Variants in KRTDAP observed in about 807,000 individuals in gnomAD.
KRTDAP encodes keratinocyte differentiation associated protein, also known as keratinocyte differentiation-associated protein.
A neutral mutation model predicts 18.6 loss-of-function variants in KRTDAP; 14 were observed. The ratio of observed to expected loss-of-function variants is 0.75; its 90% CI spans 0.50 to 1.18. The LOEUF is 1.18. Among genes scored for constraint, KRTDAP ranks in the 50% most tolerant of loss-of-function variants. The probability of loss-of-function intolerance (pLI) is 0.00; values close to 1 mark genes in which losing one functional copy is unlikely to be tolerated. For synonymous variants in KRTDAP, 53 were observed against 49.5 expected (o/e 1.07, Z -0.29); for missense variants, 114 against 121.3 (o/e 0.94, Z 0.28).
chr19:35,487,406 C>T lies in KRTDAP; in HGVS notation c.*22G>A, dbSNP rs1408974353. The T allele has an allele frequency of 1.9e-6, 3 of 1,612,176 alleles. No homozygotes were observed. The African/African-American group carries it at 4.0e-5, about 22-fold the overall frequency. ...TGAGAATCAGCGCTCACGCTAGCCC[C>T]CTCTTCCAGTGGAGGTCATGGTCAC... On this transcript the variant is annotated 3_prime_UTR_variant, in exon 6 of 6. Coordinates refer to ENST00000338897, the MANE Select transcript of KRTDAP (RefSeq NM_207392.3).
chr19:35,489,575 G>C (rs1208438733), intron 1 of KRTDAP, among the ~76,000 whole-genome samples: 1 of 152,180 alleles, frequency 6.6e-6, no homozygotes, highest in Admixed American at 6.5e-5. Context: ...TGCCCTTTCA[G>C]ACTGGGAAAG....
intron 3 of KRTDAP, 81 bp from the exon 4 acceptor site, chr19:35,488,566 A>C: frequency 6.2e-7 from 1 of 1,607,788 alleles, no homozygotes; most frequent in Non-Finnish European, 8.5e-7. Flanking sequence ...GGAGAAGGTG[A>C]AGGAACCGTG....
At chr19:35,490,305 G>A (rs750677260) in intron 1 of KRTDAP, 51 bp downstream of exon 1, 2 of 1,145,258 alleles carry the variant, frequency 1.7e-6, no homozygotes, top group Non-Finnish European at 2.5e-6. Flanking sequence ...GAGAGATGGA[G>A]GGGTAGGTGG....
chr19:35,490,298 A>G, intron 1 of KRTDAP, 58 bp downstream of exon 1: 1 of 1,069,672 alleles, frequency 9.3e-7, no homozygotes, highest in Non-Finnish European at 1.4e-6. Context: ...GGAGGTAGAG[A>G]GATGGAGGGG....
intron 5 of KRTDAP, 38 bp from the exon 6 acceptor site, chr19:35,487,504 TG>T: frequency 1.9e-6 from 3 of 1,560,828 alleles, no homozygotes; most frequent in Non-Finnish European, 2.7e-6. Context: ...GGGGAACCCG[TG>T]GGTGCCCAGT....
intron 4 of KRTDAP, among the ~76,000 whole-genome samples, 164 bp downstream of exon 4, chr19:35,488,277 G>A (rs1304351732): frequency 6.6e-6 from 1 of 152,218 alleles, no homozygotes; most frequent in African/African-American, 2.4e-5. Flanking sequence ...GGCGCCGGGG[G>A]AAGCTTTCTT....
intron 5 of KRTDAP, 107 bp downstream of exon 5, chr19:35,487,605 G>T: frequency 8.5e-7 from 1 of 1,177,104 alleles, no homozygotes; most frequent in Non-Finnish European, 1.3e-6. Flanking sequence ...CCTTCAGTTT[G>T]GTGAGAAGGC....
chr19:35,488,888 G>C, intron 1 of KRTDAP, 48 bp from the exon 2 acceptor site: 1 of 1,585,042 alleles, frequency 6.3e-7, no homozygotes, highest in Non-Finnish European at 8.6e-7. Context: ...CGTGATGCCA[G>C]GGCCCTTGCC....
chr19:35,488,049 G>C (rs1795481550), intron 4 of KRTDAP, among the ~76,000 whole-genome samples: 1 of 152,164 alleles, frequency 6.6e-6, no homozygotes, highest in African/African-American at 2.4e-5. Context: ...GAAGGCGTTC[G>C]CATGAGGCCA....
chr19:35,489,670 CCT>C (rs1358159675), intron 1 of KRTDAP, among the ~76,000 whole-genome samples: 5 of 152,108 alleles, frequency 3.3e-5, no homozygotes, highest in African/African-American at 9.7e-5. Flanking sequence ...AGCCTGTGCC[CCT>C]GTCTTAGACT....
chr19:35,490,171 C>T (rs866127500), intron 1 of KRTDAP, among the ~76,000 whole-genome samples, 185 bp downstream of exon 1: 7 of 152,198 alleles, frequency 4.6e-5, no homozygotes, highest in African/African-American at 1.7e-4. Context: ...AGAGGAGCAT[C>T]TCTGTCCCAA....
intron 5 of KRTDAP, 63 bp downstream of exon 5, chr19:35,487,649 C>T: frequency 2.8e-6 from 4 of 1,404,384 alleles, no homozygotes; most frequent in Non-Finnish European, 4.0e-6. Context: ...CTCTCTCTCC[C>T]ATATCTTCTG....
intron 3 of KRTDAP, 42 bp from the exon 4 acceptor site, chr19:35,488,527 G>C: frequency 6.2e-7 from 1 of 1,611,486 alleles, no homozygotes; most frequent in Non-Finnish European, 8.5e-7. Context: ...CAGCTCCAGG[G>C]GAGGCCAGAG....
At chr19:35,488,056 G>T (rs1257828007) in intron 4 of KRTDAP, among the ~76,000 whole-genome samples, 1 of 152,178 alleles carries the variant, frequency 6.6e-6, no homozygotes, top group African/African-American at 2.4e-5. Flanking sequence ...TTCGCATGAG[G>T]CCATGTGAGA....
At chr19:35,488,357 A>T in intron 4 of KRTDAP, 84 bp downstream of exon 4, 1 of 1,404,954 alleles carries the variant, frequency 7.1e-7, no homozygotes, top group Non-Finnish European at 9.9e-7. Context: ...GAACCAACCC[A>T]TACATTTAAA....
rs372939023 is a variant in KRTDAP, at chr19:35,488,782, G to A, written c.126+20C>T. The A allele has an allele frequency of 1.4e-5, 22 of 1,613,730 alleles. No individual in the cohort carries two copies. Among genetic ancestry groups the A allele is most frequent in the Non-Finnish European group, 1.6e-5 (19 of 1,179,766 alleles). On this transcript the variant is annotated intron_variant, in intron 2 of 5. Coordinates refer to ENST00000338897, the MANE Select transcript of KRTDAP (RefSeq NM_207392.3). ...AGGACAGACTCGTGGCTGGAGGGCC[G>A]GGGAAAACAGACGGCTTACCTCGGG... is the stretch of plus-strand genomic sequence containing the variant.
At chr19:35,487,998 A>G (rs2067500983) in intron 4 of KRTDAP, among the ~76,000 whole-genome samples, 1 of 152,122 alleles carries the variant, frequency 6.6e-6, no homozygotes, top group Admixed American at 6.5e-5. Flanking sequence ...GGGAATTGTC[A>G]TCATCCCCAC....
At chr19:35,489,898 TA>T (rs1348886644) in intron 1 of KRTDAP, among the ~76,000 whole-genome samples, 1 of 152,118 alleles carries the variant, frequency 6.6e-6, no homozygotes, top group African/African-American at 2.4e-5. Context: ...CAGGCAGAAC[TA>T]GCTAGTTTTT....
chr19:35,488,022 C>A (rs1369775930), intron 4 of KRTDAP, among the ~76,000 whole-genome samples: 1 of 152,118 alleles, frequency 6.6e-6, no homozygotes, highest in Non-Finnish European at 1.5e-5. Context: ...ACAGAGGAAG[C>A]GGAGGCCGAG....
Sources: gnomAD v4.1 joint callset for allele counts (sites outside exome capture counted in the v4.1 genomes callset) on GRCh38, gnomAD v4.1.1 for gene constraint, MANE v1.5 for transcripts, NCBI Gene and HGNC (gene_info 2026-07-23, HGNC 2026-07-21) for gene names.